The following FLT4 variants were observed in gnomAD, a reference collection of about 807,000 sequenced individuals.
FLT4 encodes vascular endothelial growth factor receptor 3.
Under a neutral mutation model 163.2 loss-of-function variants are expected in FLT4, and 30 were observed. That is an observed-to-expected ratio of 0.18 (90% CI 0.14 to 0.25). The LOEUF (loss-of-function observed/expected upper bound fraction) is 0.25. FLT4 is among the 10% of genes least tolerant of loss of function. The pLI is 1.00. For missense variants in FLT4, 1,510 were observed against 1,863.8 expected (o/e 0.81, Z 3.50); for synonymous variants, 884 against 789.5 (o/e 1.12, Z -2.01).
intron 23 of FLT4, among the ~76,000 whole-genome samples, chr5:180,615,145 G>C (rs569659483): frequency 6.8e-6 from 1 of 146,410 alleles, no homozygotes; most frequent in Non-Finnish European, 1.5e-5. Context: ...GGAGCACTGC[G>C]GCCCCGCTGG....
At position 180,621,655 on chromosome 5, in the gene FLT4, A is replaced by G. The variant is rs2127816806; in HGVS notation, c.1907T>C (p.Leu636Pro). 6.2e-7 allele frequency: 1 copy of G among 1,609,016 alleles called. No homozygotes were observed. The highest frequency in any genetic ancestry group is 8.5e-7 in the Non-Finnish European group (1 of 1,177,010). Residue 636 changes from leucine (L) to proline (P), a missense_variant, in exon 13 of 30, where the codon CTC (leucine) becomes CCC (proline). By Grantham distance (98) the Leu-to-Pro change is moderately conservative (BLOSUM62 -3). Transcript: ENST00000261937. ...CGCGACGCGGGGGATACTCAGGCTGAGCGTGGCGTGGCGCGCCCCAGGTGC... is the reference window on the plus strand; with the variant it reads ...CGCGACGCGGGGGATACTCAGGCTGGGCGTGGCGTGGCGCGCCCCAGGTGC... ...EVAPGARHAT[L>P]SLSIPRVAPE...
At position 180,623,384 on chromosome 5, in the gene FLT4, G is replaced by A. The variant is rs1483110027; in HGVS notation, c.1549-545C>T. 2.0e-5 allele frequency among the ~76,000 whole-genome samples: 3 copies of A among 152,140 alleles called. No individual in the cohort carries two copies. On this transcript the variant is annotated intron_variant, in intron 11 of 29. Coordinates refer to ENST00000261937, the MANE Select transcript of FLT4 (RefSeq NM_182925.5). The surrounding 1 kb of genome is among the most constrained non-coding windows in gnomAD (Gnocchi z 5.8). Reference sequence around the variant, plus strand: ...AGGCCTCAGGGAGTAGGAAGCCTGAGACACAGGGGAGGAGAGAGGGCCACA... The same window carrying A: ...AGGCCTCAGGGAGTAGGAAGCCTGAAACACAGGGGAGGAGAGAGGGCCACA...
At chr5:180,606,910 A>AC (rs1761825938) in intron 29 of FLT4, among the ~76,000 whole-genome samples, 3 of 140,174 alleles carry the variant, frequency 2.1e-5, no homozygotes, top group Non-Finnish European at 3.2e-5. Context: ...AAAAAAAAAA[A>AC]AAAAACAAAC....
intron 1 of FLT4, among the ~76,000 whole-genome samples, chr5:180,645,381 G>A (rs1324691238): frequency 6.6e-6 from 1 of 152,220 alleles, no homozygotes; most frequent in Non-Finnish European, 1.5e-5. Context: ...CGGCTTCCGT[G>A]GGGTCAAGGC....
At position 180,636,473 on chromosome 5, in the gene FLT4, C is replaced by T. The variant is rs1182883960; in HGVS notation, c.59-4695G>A. Reference sequence around the variant, plus strand: ...TGCTCTTTGGCGGCACCGCCCTCTTCCCCATTAAAGCTGTCATCAGCTGCA... The same window carrying T: ...TGCTCTTTGGCGGCACCGCCCTCTTTCCCATTAAAGCTGTCATCAGCTGCA... On this transcript the variant is annotated intron_variant, in intron 1 of 29. Coordinates refer to ENST00000261937, the MANE Select transcript of FLT4 (RefSeq NM_182925.5). This position sits in a 1 kb window ranked among gnomAD's most constrained non-coding sequence, Gnocchi z 4.3. Among the ~76,000 whole-genome samples the T allele has an allele frequency of 1.3e-5, 2 of 152,022 alleles. No individual in the cohort carries two copies. The highest frequency in any genetic ancestry group is 2.9e-5 in the Non-Finnish European group (2 of 68,012).
Position 180,603,032 on chromosome 5 carries a change from G to C in FLT4, c.*160C>G, listed in dbSNP as rs1407311766. ...ACGGAATTCCGGGAGCCTTGGGCCT[G>C]GAGTCCTGCTCTTCCTAGCTGGGAA... On this transcript the variant is annotated 3_prime_UTR_variant, in exon 30 of 30. Coordinates refer to ENST00000261937, the MANE Select transcript of FLT4 (RefSeq NM_182925.5). 2 of 731,768 alleles carry C rather than the reference G, an allele frequency of 2.7e-6. No homozygotes were observed. Among genetic ancestry groups the C allele is most frequent in the Non-Finnish European group, 4.7e-6 (2 of 429,970 alleles). 45.3% of individuals were successfully genotyped at this position (731,768 alleles called of 1,614,324 possible). A position where few individuals can be genotyped will look rare whatever the true frequency, so the allele number is the denominator to read the frequency against.
chr5:180,625,994 G>C lies in FLT4; in HGVS notation c.1296C>G (p.Pro432=). The C allele has an allele frequency of 4.3e-6, 7 of 1,612,672 alleles. No homozygotes were observed. The highest frequency in any genetic ancestry group is 5.9e-6 in the Non-Finnish European group (7 of 1,179,924). The stretch of plus-strand genomic sequence containing the variant: ...GGCGGCTGTGACGCGAGTAGATGCT[G>C]GGGGAGGAGGCCTCCTTCTCATGTA... ...PQIHEKEASS[P]SIYSRHSRQA... The change falls in exon 10 of 30, where the codon CCC becomes CCG. Residue 432 remains proline, a synonymous_variant. Coordinates refer to ENST00000261937, the MANE Select transcript of FLT4 (RefSeq NM_182925.5).
intron 29 of FLT4, among the ~76,000 whole-genome samples, chr5:180,606,889 C>G (rs1761816591): frequency 1.1e-5 from 1 of 88,938 alleles, no homozygotes; most frequent in Non-Finnish European, 2.3e-5. Context: ...AACCCCGTCT[C>G]TACTAAAAAA....
At chr5:180,613,467 T>G in intron 24 of FLT4, 1 of 268,546 alleles carries the variant, frequency 3.7e-6, no homozygotes, top group Non-Finnish European at 7.1e-6. Context: ...TTCTCGCTGC[T>G]TCTCCTGCTG....
chr5:180,613,658 G>T, intron 24 of FLT4: 1 of 322,994 alleles, frequency 3.1e-6, no homozygotes, highest in South Asian at 3.2e-5. Context: ...GCCACTTGGT[G>T]ACATTTTAAC....
chr5:180,606,605 T>C (rs307835), intron 29 of FLT4, among the ~76,000 whole-genome samples: 140,880 of 152,318 alleles, frequency 0.92, 65,891 homozygotes, highest in Non-Finnish European at 1. Context: ...CGAAGGTGTG[T>C]AGAGGTTTGA....
chr5:180,627,099 G>A (rs2127829824), intron 8 of FLT4, among the ~76,000 whole-genome samples: 1 of 152,180 alleles, frequency 6.6e-6, no homozygotes, highest in South Asian at 2.1e-4. Context: ...CAGAGGGTGT[G>A]CTGGGGCCCC....
intron 14 of FLT4, 47 bp downstream of exon 14, chr5:180,621,058 GC>G (rs1348647453): frequency 6.2e-7 from 1 of 1,612,098 alleles, no homozygotes; most frequent in Non-Finnish European, 8.5e-7. Flanking sequence ...GGGATCGTCG[GC>G]CTCGCGGGCC....
chr5:180,612,278 T>G, intron 26 of FLT4: 1 of 591,436 alleles, frequency 1.7e-6, no homozygotes, highest in Non-Finnish European at 3.0e-6. Context: ...GCTCTGACTA[T>G]CCACACAGCA....
At chr5:180,628,062 C>T (rs1473372104) in intron 8 of FLT4, among the ~76,000 whole-genome samples, 3 of 152,134 alleles carry the variant, frequency 2.0e-5, no homozygotes, top group Non-Finnish European at 4.4e-5. Context: ...AGTTGCCCTG[C>T]CAGGAGGGAG....
rs62407086 is a variant in FLT4, at chr5:180,634,883, T to A, written c.59-3105A>T. On this transcript the variant is annotated intron_variant, in intron 1 of 29. Coordinates refer to ENST00000261937, the MANE Select transcript of FLT4 (RefSeq NM_182925.5). Reference sequence around the variant, plus strand: ...ATGGGTGGATGGGTGGGTGGGTGGGTGGATGGATGCATGGATGGATGGAAG... The same window carrying A: ...ATGGGTGGATGGGTGGGTGGGTGGGAGGATGGATGCATGGATGGATGGAAG... 7.0e-3 allele frequency among the ~76,000 whole-genome samples: 43 copies of A among 6,118 alleles called. 14 individuals are homozygous for A. The highest frequency in any genetic ancestry group is 0.031 in the East Asian group (2 of 64). The allele number at this position is 6,118 out of a possible 152,430, so 4.0% of individuals were successfully genotyped here.
In FLT4 at chr5:180,601,593, G is replaced by A. The variant is rs768149177; in HGVS notation, c.*1599C>T. On this transcript the variant is annotated 3_prime_UTR_variant, in exon 30 of 30. Transcript: ENST00000261937. ...CTTTTCTCAGAACATGGTCTAGAAGGGCATAGTAGTTTTTTTCCCGGTACA... is the reference window on the plus strand; with the variant it reads ...CTTTTCTCAGAACATGGTCTAGAAGAGCATAGTAGTTTTTTTCCCGGTACA... The A allele has an allele frequency of 1.3e-5, 3 of 233,084 alleles. No homozygotes were observed. Among genetic ancestry groups the A allele is most frequent in the Non-Finnish European group, 2.5e-5 (3 of 118,070 alleles). 14.4% of individuals were successfully genotyped at this position (233,084 alleles called of 1,614,324 possible).
In FLT4 at chr5:180,618,848, C is replaced by T. The variant is rs760475708; in HGVS notation, c.2923G>A (p.Gly975Arg). The T allele has an allele frequency of 6.3e-7, 1 of 1,579,698 alleles. No individual in the cohort carries two copies. Among genetic ancestry groups the T allele is most frequent in the Non-Finnish European group, 8.6e-7 (1 of 1,163,516 alleles). ...GCGAAGAGGACCCTGTCGCTGCTCC[C>T]CGGCCGCCTCCGATCCAGCCTGGCG... ...ELARLDRRRPGSSDRVLFARF... is the reference protein window; with the variant it reads ...ELARLDRRRPRSSDRVLFARF... The change falls in exon 21 of 30, where the codon GGG (glycine) becomes AGG (arginine). Residue 975 changes from glycine to arginine, a missense_variant. Gly to Arg is a moderately radical substitution (Grantham distance 125). Around this residue, in one of 5 missense-constraint regions of FLT4, gnomAD observed 878 missense variants for 1,016.7 expected, o/e 0.86. Coordinates refer to ENST00000261937, the MANE Select transcript of FLT4 (RefSeq NM_182925.5).
rs1031271077 is a variant in FLT4, at chr5:180,630,852, G to A, written c.156-53C>T. 24 of 1,546,986 alleles carry A rather than the reference G, an allele frequency of 1.6e-5. No homozygotes were observed. Among genetic ancestry groups the A allele is most frequent in the Non-Finnish European group, 4.3e-6 (5 of 1,151,502 alleles). On this transcript the variant is annotated intron_variant, in intron 2 of 29. Transcript: ENST00000261937. This position sits in a 1 kb window ranked among gnomAD's most constrained non-coding sequence, Gnocchi z 6.3. ...GGCCCCAGGGCAGCCCATGGGGACTGTCCCTGAGAAGCCTCCCTCAGGCCG... is the reference window on the plus strand; with the variant it reads ...GGCCCCAGGGCAGCCCATGGGGACTATCCCTGAGAAGCCTCCCTCAGGCCG...
Sources: allele counts gnomAD v4.1 joint callset (sites outside exome capture counted in the v4.1 genomes callset), GRCh38; gene constraint gnomAD v4.1.1; regional missense constraint gnomAD v4.1.1; non-coding constraint Gnocchi (gnomAD v3.1); transcripts MANE v1.5; gene names NCBI Gene and HGNC (gene_info 2026-07-23, HGNC 2026-07-21).